The following ZDHHC15 variants were observed in gnomAD, a reference collection of about 807,000 sequenced individuals.
ZDHHC15 encodes the protein zDHHC palmitoyltransferase 15, also known as palmitoyltransferase ZDHHC15.
In ZDHHC15, 19 loss-of-function variants were observed where a neutral mutation model predicts 31.7. The ratio of observed to expected loss-of-function variants is 0.60; its 90% confidence interval spans 0.42 to 0.88. The LOEUF (loss-of-function observed/expected upper bound fraction) is 0.88, where lower values mean the gene tolerates loss of function less well. ZDHHC15 is among the 40% of genes least tolerant of loss of function. ZDHHC15 has a pLI of 0.00. For missense variants in ZDHHC15, 209 were observed against 251.2 expected, an observed-to-expected ratio of 0.83 and a Z score of 1.14; for synonymous variants, 103 against 90.0, an observed-to-expected ratio of 1.14 and a Z score of -0.82.
At chrX:75,374,947 G>A (rs2083043692) in intron 11 of ZDHHC15, among the ~76,000 whole-genome samples, 1 of 111,164 alleles carries the variant, frequency 9.0e-6, no homozygotes, top group Non-Finnish European at 1.9e-5. Flanking sequence ...AAACCTTTGG[G>A]AGAGATGGAT....
intron 2 of ZDHHC15, among the ~76,000 whole-genome samples, chrX:75,485,662 T>A (rs1404065235): frequency 9.0e-6 from 1 of 111,162 alleles, no homozygotes; most frequent in South Asian, 3.8e-4. Context: ...AGCTTTGAAA[T>A]GGTACATTTA....
chrX:75,466,852 A>T (rs2084414623), intron 3 of ZDHHC15, among the ~76,000 whole-genome samples: 1 of 95,196 alleles, frequency 1.1e-5, no homozygotes, highest in African/African-American at 3.9e-5. Flanking sequence ...ATGTGAACAC[A>T]TGGACACAGG....
At chrX:75,492,282 A>C (rs988028122) in intron 2 of ZDHHC15, among the ~76,000 whole-genome samples, 22 of 111,749 alleles carry the variant, frequency 2.0e-4, no homozygotes, top group African/African-American at 7.2e-4. Context: ...TTCATGAAGC[A>C]AGTCCTGAGT....
chrX:75,458,093 T>C (rs1157029936), intron 3 of ZDHHC15, among the ~76,000 whole-genome samples: 5 of 112,081 alleles, frequency 4.5e-5, no homozygotes, highest in Non-Finnish European at 1.9e-5. Flanking sequence ...CTTCAATGGC[T>C]GAATGGTTAA....
At chrX:75,379,229 T>A in intron 10 of ZDHHC15, 31 bp from the exon 11 acceptor site, 2 of 1,205,760 alleles carry the variant, frequency 1.7e-6, no homozygotes, top group Non-Finnish European at 2.2e-6. Context: ...GATGATCAAA[T>A]GTCCCCGTGC....
intron 1 of ZDHHC15, among the ~76,000 whole-genome samples, chrX:75,516,655 C>T (rs746226845): frequency 2.3e-4 from 26 of 112,144 alleles, no homozygotes; most frequent in African/African-American, 7.4e-4. Flanking sequence ...CCAGGCAATA[C>T]GATTCAGGAC....
intron 3 of ZDHHC15, among the ~76,000 whole-genome samples, chrX:75,477,795 A>G (rs964895412): frequency 1.8e-5 from 2 of 111,840 alleles, no homozygotes; most frequent in Admixed American, 1.9e-4. Context: ...GTAAATCACA[A>G]TTTTTTATCC....
At position 75,370,288 on chromosome X, in the gene ZDHHC15, G is replaced by T. The variant is rs977564796; in HGVS notation, c.*2690C>A. 2.7e-5 allele frequency: 3 copies of T among 110,644 alleles called. No homozygotes were observed. The highest frequency in any genetic ancestry group is 9.9e-5 in the African/African-American group (3 of 30,403). 9.1% of individuals were successfully genotyped at this position (110,644 alleles called of 1,213,427 possible). A position where few individuals can be genotyped will look rare whatever the true frequency, so the allele number is the denominator to read the frequency against. On this transcript the variant is annotated 3_prime_UTR_variant, in exon 12 of 12. Coordinates refer to ENST00000373367, the MANE Select transcript of ZDHHC15 (RefSeq NM_144969.3). ...GATTCCACAGAGGTTATTGGACAGG[G>T]ATCCAAAGAAAAGCAAGCAAAGAAG...
At chrX:75,447,236 T>C (rs1299839077) in intron 4 of ZDHHC15, among the ~76,000 whole-genome samples, 2 of 112,012 alleles carry the variant, frequency 1.8e-5, no homozygotes, top group African/African-American at 3.2e-5. Context: ...GTTGATTACA[T>C]TGGAGTGCTT....
chrX:75,424,728 G>C lies in ZDHHC15; in HGVS notation c.660C>G (p.Ala220=), dbSNP rs1223054263. Residue 220 remains alanine, a synonymous_variant, in exon 8 of 12, where the codon GCC becomes GCG. Coordinates refer to ENST00000373367, the MANE Select transcript of ZDHHC15 (RefSeq NM_144969.3). ...KFHVLFLLFV[A]CMFFVSLVIL... is the part of the protein sequence containing the mutation. Reference sequence around the variant, plus strand: ...TCACAAGGCTGACAAAAAACATGCAGGCCACAAAGAGAAGAAAAAGGACAT... The same window carrying C: ...TCACAAGGCTGACAAAAAACATGCACGCCACAAAGAGAAGAAAAAGGACAT... 5 of 1,207,034 alleles carry C rather than the reference G, an allele frequency of 4.1e-6. No individual in the cohort carries two copies. Among genetic ancestry groups the C allele is most frequent in the Non-Finnish European group, 5.6e-6 (5 of 893,266 alleles).
intron 4 of ZDHHC15, among the ~76,000 whole-genome samples, chrX:75,441,791 T>C (rs911582745): frequency 3.7e-5 from 4 of 109,574 alleles, no homozygotes; most frequent in African/African-American, 1.3e-4. Context: ...GCACGGCTAA[T>C]TTTTTGTATT....
intron 10 of ZDHHC15, among the ~76,000 whole-genome samples, chrX:75,387,139 GA>G (rs2083188347): frequency 9.0e-6 from 1 of 111,269 alleles, no homozygotes; most frequent in African/African-American, 3.3e-5. Context: ...ACCTAGTGAG[GA>G]AAAAAACTGA....
chrX:75,415,268 G>T (rs917075158), intron 10 of ZDHHC15, among the ~76,000 whole-genome samples: 1 of 111,464 alleles, frequency 9.0e-6, no homozygotes, highest in Non-Finnish European at 1.9e-5. Context: ...GGGAGCAACT[G>T]AAGTTAACAT....
At chrX:75,386,743 C>T (rs2083184219) in intron 10 of ZDHHC15, among the ~76,000 whole-genome samples, 1 of 112,456 alleles carries the variant, frequency 8.9e-6, no homozygotes, top group African/African-American at 3.2e-5. Context: ...TCCCACAGTG[C>T]TGGGATTACA....
At chrX:75,414,933 T>C (rs1465850584) in intron 10 of ZDHHC15, among the ~76,000 whole-genome samples, 2 of 104,115 alleles carry the variant, frequency 1.9e-5, no homozygotes, top group African/African-American at 7.0e-5. Context: ...ACCTGGCTAT[T>C]TTTTTTTTTT....
chrX:75,456,926 A>C (rs760645916), intron 3 of ZDHHC15, among the ~76,000 whole-genome samples: 1 of 111,548 alleles, frequency 9.0e-6, no homozygotes, highest in Admixed American at 9.6e-5. Context: ...CTTCTTGCTT[A>C]ATTTCTCCAA....
At chrX:75,501,247 C>T (rs919063175) in intron 2 of ZDHHC15, among the ~76,000 whole-genome samples, 6 of 110,819 alleles carry the variant, frequency 5.4e-5, no homozygotes, top group Admixed American at 4.8e-4. Flanking sequence ...AGATAATAGC[C>T]TCCAGCCCCA....
At chrX:75,519,045 G>A (rs2085409151) in intron 1 of ZDHHC15, among the ~76,000 whole-genome samples, 1 of 108,335 alleles carries the variant, frequency 9.2e-6, no homozygotes, top group South Asian at 4.1e-4. Context: ...TAGGACTTGG[G>A]GGAAGAGGGA....
At chrX:75,411,303 G>A (rs1223641275) in intron 10 of ZDHHC15, among the ~76,000 whole-genome samples, 1 of 110,658 alleles carries the variant, frequency 9.0e-6, no homozygotes, top group Non-Finnish European at 1.9e-5. Context: ...CTGCTTCTGG[G>A]GTTCACGCCA....
Sources: allele counts gnomAD v4.1 joint callset (sites outside exome capture counted in the v4.1 genomes callset), GRCh38; gene constraint gnomAD v4.1.1; transcripts MANE v1.5; gene names NCBI Gene and HGNC (gene_info 2026-07-23, HGNC 2026-07-21).